Variants in CLEC4D observed in about 807,000 individuals in gnomAD.
CLEC4D encodes the protein C-type lectin domain family 4 member D, also known as C-type (calcium dependent, carbohydrate-recognition domain) lectin, superfamily member 8.
In CLEC4D, 21 loss-of-function variants were observed where a neutral mutation model predicts 21.1. The observed-to-expected ratio is 1.00, with a 90% CI of 0.71 to 1.43. The LOEUF is 1.43. Among genes scored for constraint, CLEC4D ranks in the 40% most tolerant of loss-of-function variants. CLEC4D has a pLI of 0.00. For synonymous variants in CLEC4D, 85 were observed against 83.1 expected, an observed-to-expected ratio of 1.02 and a Z score of -0.12; for missense variants, 289 against 260.7, an observed-to-expected ratio of 1.11 and a Z score of -0.75.
Position 8,521,112 on chromosome 12 carries a change from T to A in CLEC4D, c.501-12T>A, listed in dbSNP as rs772275366. 3.1e-6 allele frequency: 5 copies of A among 1,611,342 alleles called. No homozygotes were observed. The highest frequency in any genetic ancestry group is 4.2e-6 in the Non-Finnish European group (5 of 1,178,786). On this transcript the variant is annotated splice_polypyrimidine_tract_variant and intron_variant, in intron 5 of 5. Coordinates refer to ENST00000299665, the MANE Select transcript of CLEC4D (RefSeq NM_080387.5). ...TACCTATAAATCTCTATCTATGTTG[T>A]TGTTCTTTCAGATTCTGGCATAAGA...
At chr12:8,526,054 C>T (rs1335275479), downstream of CLEC4D, among the ~76,000 whole-genome samples, 4 of 152,156 alleles carry the variant, frequency 2.6e-5, no homozygotes, top group Non-Finnish European at 5.9e-5. Flanking sequence ...GCTGAGAGGT[C>T]TGCTGTTAAT....
chr12:8,519,130 T>A lies in CLEC4D; in HGVS notation c.354T>A (p.His118Gln). 1 of 1,614,036 alleles carries A rather than the reference T, an allele frequency of 6.2e-7. No homozygotes were observed. Among genetic ancestry groups the A allele is most frequent in the African/African-American group, 1.3e-5 (1 of 75,020 alleles). The change falls in exon 4 of 6, where the codon CAT (histidine) becomes CAA (glutamine). Residue 118 changes from histidine to glutamine, a missense_variant. His to Gln is a conservative substitution (Grantham distance 24). Transcript: ENST00000299665. ...SERNCSGMGA[H>Q]LMTISTEAEQ... ...GGAACTGTTCAGGGATGGGGGCCCA[T>A]CTGATGACCATCAGCACGGAAGCTG...
Position 8,520,270 on chromosome 12 carries a change from T to C in CLEC4D, c.429T>C (p.Leu143=). The C allele has an allele frequency of 2.5e-6, 4 of 1,614,032 alleles. No individual in the cohort carries two copies. The highest frequency in any genetic ancestry group is 3.4e-6 in the Non-Finnish European group (4 of 1,179,914). ...TGGATAGACGGCTTTCCTATTTCCT[T>C]GGACTTAGAGATGAGAATGCCAAAG... is the stretch of plus-strand genomic sequence containing the variant. ...QFLDRRLSYF[L]GLRDENAKGQ... is the part of the protein sequence containing the mutation. Residue 143 remains leucine (L), a synonymous_variant, in exon 5 of 6, where the codon CTT becomes CTC. Transcript: ENST00000299665.
chr12:8,521,297 G>A lies in CLEC4D; in HGVS notation c.*26G>A, dbSNP rs865831842. ...AAACTCAGAAAGTGGTCCTTGTGAT[G>A]GAAAGAGAAAAGAAAAACCAATTAG... is the stretch of plus-strand genomic sequence containing the variant. On this transcript the variant is annotated 3_prime_UTR_variant, in exon 6 of 6. Coordinates refer to ENST00000299665, the MANE Select transcript of CLEC4D (RefSeq NM_080387.5). 5 of 1,589,152 alleles carry A rather than the reference G, an allele frequency of 3.1e-6. 1 individual carries two copies. The Middle Eastern group carries it at 8.4e-4, about 268-fold the overall frequency.
rs1940466472 is a variant in CLEC4D, at chr12:8,522,141, A to T, written c.*870A>T. ...TAAAATTTCTTAATTGTTTGAAGTAACATTGTATTCGTGTTTGCATTATTA... is the reference window on the plus strand; with the variant it reads ...TAAAATTTCTTAATTGTTTGAAGTATCATTGTATTCGTGTTTGCATTATTA... On this transcript the variant is annotated 3_prime_UTR_variant, in exon 6 of 6. Coordinates refer to ENST00000299665, the MANE Select transcript of CLEC4D (RefSeq NM_080387.5). The T allele has an allele frequency of 6.6e-6, 1 of 152,174 alleles. No homozygotes were observed. The highest frequency in any genetic ancestry group is 2.4e-5 in the African/African-American group (1 of 41,448). 9.4% of individuals were successfully genotyped at this position (152,174 alleles called of 1,614,324 possible).
chr12:8,519,266 A>G, intron 4 of CLEC4D, 106 bp downstream of exon 4: 1 of 1,403,450 alleles, frequency 7.1e-7, no homozygotes, highest in Non-Finnish European at 9.3e-7. Flanking sequence ...CATCTGCTCC[A>G]TCTGCCTGGA....
intron 5 of CLEC4D, 119 bp downstream of exon 5, chr12:8,520,460 G>A (rs1015758462): frequency 6.2e-5 from 87 of 1,411,726 alleles, no homozygotes; most frequent in African/African-American, 4.0e-4. Context: ...ACCACTGTAG[G>A]TTGAGTAATC....
intron 3 of CLEC4D, 146 bp downstream of exon 3, chr12:8,518,420 G>C (rs1486720395): frequency 1.8e-6 from 1 of 555,686 alleles, no homozygotes; most frequent in African/African-American, 1.9e-5. Flanking sequence ...AATACCTTAA[G>C]ATAGAATTAT....
At chr12:8,517,703 T>C (rs1940399131) in intron 2 of CLEC4D, among the ~76,000 whole-genome samples, 1 of 151,904 alleles carries the variant, frequency 6.6e-6, no homozygotes, top group Admixed American at 6.6e-5. Flanking sequence ...TCCCAGCACT[T>C]TGGGAGGCCG....
chr12:8,514,548 A>C (rs1053471362), intron 1 of CLEC4D, among the ~76,000 whole-genome samples: 20 of 152,174 alleles, frequency 1.3e-4, no homozygotes, highest in African/African-American at 4.8e-4. Flanking sequence ...TGGCAAATGA[A>C]ATGCATTTAA....
the CLEC4D span, among the ~76,000 whole-genome samples, chr12:8,528,664 T>C: frequency 6.6e-6 from 1 of 152,144 alleles, no homozygotes; most frequent in African/African-American, 2.4e-5. Flanking sequence ...GTTTTCATTT[T>C]TGAAACAGTA....
Position 8,515,334 on chromosome 12 carries a change from T to A in CLEC4D, c.121+6T>A, listed in dbSNP as rs759369456. Reference sequence around the variant, plus strand: ...TTTTATTGCAAGTTGTTTGGGTAAGTTATTAGCCAAAGTAGAACTCTTCTT... The same window carrying A: ...TTTTATTGCAAGTTGTTTGGGTAAGATATTAGCCAAAGTAGAACTCTTCTT... On this transcript the variant is annotated splice_donor_region_variant and intron_variant, in intron 2 of 5. Transcript: ENST00000299665. 7.6e-6 allele frequency: 9 copies of A among 1,186,230 alleles called. No homozygotes were observed. The Admixed American group carries it at 1.5e-4, about 20-fold the overall frequency. The allele number at this position is 1,186,230 out of a possible 1,614,324, so 73.5% of individuals were successfully genotyped here. A position where few individuals can be genotyped will look rare whatever the true frequency, so the allele number is the denominator to read the frequency against.
chr12:8,528,487 T>C, the CLEC4D span, among the ~76,000 whole-genome samples: 1 of 152,188 alleles, frequency 6.6e-6, no homozygotes, highest in South Asian at 2.1e-4. Context: ...CAGCAGAAAA[T>C]GAACTAATAC....
At position 8,513,559 on chromosome 12, in the gene CLEC4D, T is replaced by C. The variant is rs1325721656; in HGVS notation, c.-174T>C. On this transcript the variant is annotated 5_prime_UTR_variant, in exon 1 of 6. Transcript: ENST00000299665. Reference sequence around the variant, plus strand: ...CCCTGTCTTTGAAAAAGACTTCTTTTGAGCTAACTTTCTTATACTGGTACC... The same window carrying C: ...CCCTGTCTTTGAAAAAGACTTCTTTCGAGCTAACTTTCTTATACTGGTACC... 2.4e-6 allele frequency: 1 copy of C among 423,492 alleles called. No homozygotes were observed. The highest frequency in any genetic ancestry group is 3.3e-5 in the East Asian group (1 of 30,350). 26.2% of individuals were successfully genotyped at this position (423,492 alleles called of 1,614,324 possible). A position where few individuals can be genotyped will look rare whatever the true frequency, so the allele number is the denominator to read the frequency against.
At chr12:8,528,103 G>A in the CLEC4D span, among the ~76,000 whole-genome samples, 1 of 152,146 alleles carries the variant, frequency 6.6e-6, no homozygotes, top group African/African-American at 2.4e-5. Flanking sequence ...TTCCGTGGGA[G>A]CCTCAAAACA....
At chr12:8,527,481 G>A in the CLEC4D span, among the ~76,000 whole-genome samples, 1 of 152,240 alleles carries the variant, frequency 6.6e-6, no homozygotes, top group Non-Finnish European at 1.5e-5. Flanking sequence ...GCCGCAGACT[G>A]CCACAGCCAG....
chr12:8,523,090 G>A (rs1000954094), downstream of CLEC4D, among the ~76,000 whole-genome samples: 4 of 152,246 alleles, frequency 2.6e-5, no homozygotes, highest in Non-Finnish European at 5.9e-5. Context: ...TACTGTTTTG[G>A]TTACTGTAGC....
At chr12:8,520,431 T>C in intron 5 of CLEC4D, 90 bp downstream of exon 5, 1 of 1,517,458 alleles carries the variant, frequency 6.6e-7, no homozygotes, top group Non-Finnish European at 8.9e-7. Context: ...AGTACATTGA[T>C]ATAAAAATGT....
rs148930891 is a variant in CLEC4D at position 8,521,208 on chromosome 12, T to C, written c.585T>C (p.Asn195=). Residue 195 remains asparagine, a synonymous_variant, in exon 6 of 6, where the codon AAT becomes AAC. Coordinates refer to ENST00000299665, the MANE Select transcript of CLEC4D (RefSeq NM_080387.5). The stretch of plus-strand genomic sequence containing the variant: ...ATAACCAAGATAAATGGGCCTGGAA[T>C]GATGTTCCTTGTAACTTTGAAGCAA... ...LVYNQDKWAW[N]DVPCNFEASR... is the part of the protein sequence containing the mutation. 4.7e-4 allele frequency: 752 copies of C among 1,613,610 alleles called. No homozygotes were observed. Among genetic ancestry groups the C allele is most frequent in the Non-Finnish European group, 5.9e-4 (697 of 1,179,728 alleles).
Sources: gnomAD v4.1 joint callset for allele counts (sites outside exome capture counted in the v4.1 genomes callset) on GRCh38, gnomAD v4.1.1 for gene constraint, MANE v1.5 for transcripts, NCBI Gene and HGNC (gene_info 2026-07-23, HGNC 2026-07-21) for gene names.